Variants in RBFOX1 observed in about 807,000 individuals in gnomAD.
The protein encoded by RBFOX1 is RNA binding fox-1 homolog 1, also known as RNA binding protein fox-1 homolog 1.
RBFOX1 carries 8 observed loss-of-function variants against 57.7 expected under a neutral mutation model. The observed-to-expected ratio is 0.14, with a 90% CI of 0.08 to 0.25. RBFOX1 has a LOEUF of 0.25. Ranked by LOEUF, RBFOX1 falls within the 10% of genes least tolerant of loss-of-function variation. The probability of loss-of-function intolerance (pLI) is 1.00; values close to 1 mark genes in which losing one functional copy is unlikely to be tolerated. For missense variants in RBFOX1, 611 were observed against 548.5 expected (o/e 1.11, Z -1.14); for synonymous variants, 326 against 222.4 (o/e 1.47, Z -4.15).
chr16:7,201,906 G>C (rs1269831338), intron 4 of RBFOX1, among the ~76,000 whole-genome samples: 3 of 152,182 alleles, frequency 2.0e-5, no homozygotes, highest in Non-Finnish European at 2.9e-5. Flanking sequence ...GATGGCAGAG[G>C]AGATGTACGA....
chr16:6,208,099 C>T lies in RBFOX1; in HGVS notation c.-126-108896C>T, dbSNP rs555922969. 2.6e-5 allele frequency among the ~76,000 whole-genome samples: 4 copies of T among 151,762 alleles called. No homozygotes were observed. In the South Asian group the frequency reaches 6.3e-4, roughly 24 times the overall value. On this transcript the variant is annotated intron_variant, in intron 1 of 15. Transcript: ENST00000550418. ...GCGGTCAACAGTTCCTTTAATTTCT[C>T]TGCATAAAAACTAAATGATAGTATA...
intron 4 of RBFOX1, among the ~76,000 whole-genome samples, chr16:7,517,373 A>G (rs2076595296): frequency 6.6e-6 from 1 of 152,148 alleles, no homozygotes; most frequent in Non-Finnish European, 1.5e-5. Context: ...CTCATAAAAA[A>G]ATAAGGCAGG....
intron 13 of RBFOX1, among the ~76,000 whole-genome samples, chr16:7,676,144 G>A (rs1049214982): frequency 1.3e-5 from 2 of 152,156 alleles, no homozygotes; most frequent in African/African-American, 2.4e-5. Context: ...TTCTCCGTCT[G>A]AAGCAGCATG....
intron 4 of RBFOX1, among the ~76,000 whole-genome samples, chr16:5,869,122 T>G (rs2151899731): frequency 6.6e-6 from 1 of 152,224 alleles, no homozygotes; most frequent in East Asian, 1.9e-4. Flanking sequence ...GGGTACAAAG[T>G]GCCATGCCAT....
At chr16:6,646,378 G>C (rs886216052) in intron 2 of RBFOX1, among the ~76,000 whole-genome samples, 1 of 151,984 alleles carries the variant, frequency 6.6e-6, no homozygotes, top group Non-Finnish European at 1.5e-5. Flanking sequence ...ATCCAGCATG[G>C]GTTTAGTAAA....
intron 2 of RBFOX1, among the ~76,000 whole-genome samples, chr16:6,646,837 C>T (rs2098538400): frequency 1.3e-5 from 2 of 152,002 alleles, no homozygotes; most frequent in Non-Finnish European, 2.9e-5. Flanking sequence ...GGTGTTTTTC[C>T]TGACTCAGTG....
At chr16:6,436,087 A>G (rs112924827) in intron 2 of RBFOX1, among the ~76,000 whole-genome samples, 1,713 of 152,296 alleles carry the variant, frequency 0.011, 39 homozygotes, top group African/African-American at 0.039. Flanking sequence ...TGGAAACAGA[A>G]TGAGGAAAGC....
At chr16:7,235,774 G>A (rs145554087) in intron 4 of RBFOX1, among the ~76,000 whole-genome samples, 2 of 152,290 alleles carry the variant, frequency 1.3e-5, no homozygotes, top group East Asian at 1.9e-4. Context: ...AATGTTTAAA[G>A]CTAAGTAATA....
At chr16:6,722,190 A>G (rs567852055) in intron 3 of RBFOX1, among the ~76,000 whole-genome samples, 3 of 152,228 alleles carry the variant, frequency 2.0e-5, no homozygotes, top group Admixed American at 2.0e-4. Flanking sequence ...AGATCATGTG[A>G]TATTTCTAGT....
intron 4 of RBFOX1, among the ~76,000 whole-genome samples, chr16:5,908,383 G>C (rs12930303): frequency 0.49 from 70,290 of 144,738 alleles, 18,505 homozygotes; most frequent in African/African-American, 0.65. Flanking sequence ...GACAGAGTCT[G>C]ACTCTGTTGT....
At chr16:7,363,211 G>C (rs2097364028) in intron 4 of RBFOX1, among the ~76,000 whole-genome samples, 1 of 152,162 alleles carries the variant, frequency 6.6e-6, no homozygotes, top group Non-Finnish European at 1.5e-5. Flanking sequence ...CCTCCATCCT[G>C]AGTTCCTGGG....
chr16:5,255,099 G>A (rs1412133284), intron 1 of RBFOX1, among the ~76,000 whole-genome samples: 8 of 152,146 alleles, frequency 5.3e-5, no homozygotes, highest in Non-Finnish European at 1.2e-4. Context: ...ATTTGCATTA[G>A]TTGTCAATGC....
intron 3 of RBFOX1, among the ~76,000 whole-genome samples, chr16:5,826,176 G>A (rs947654362): frequency 2.0e-5 from 3 of 147,768 alleles, no homozygotes; most frequent in African/African-American, 7.4e-5. Context: ...ATTCTTATAT[G>A]TTATATAATA....
intron 1 of RBFOX1, among the ~76,000 whole-genome samples, chr16:6,123,124 C>T (rs148821858): frequency 1.3e-5 from 2 of 152,080 alleles, no homozygotes; most frequent in South Asian, 4.1e-4. Flanking sequence ...CTAAAATTGC[C>T]TTATGATGCA....
rs760608977 is a variant in RBFOX1, at chr16:7,068,228, C to T, written c.27+16130C>T. Among the ~76,000 whole-genome samples, 4 of 152,224 alleles carry T rather than the reference C, an allele frequency of 2.6e-5. No individual in the cohort carries two copies. The South Asian group carries it at 8.3e-4, about 32-fold the overall frequency. On this transcript the variant is annotated intron_variant, in intron 4 of 15. Coordinates refer to ENST00000550418, the MANE Select transcript of RBFOX1 (RefSeq NM_018723.4). ...TAGCATACATAGATCTAAGATCAGC[C>T]AGCCAAGATTGTCGGTCCAAAATCA...
Position 6,548,901 on chromosome 16 carries a change from C to G in RBFOX1, c.-63-105702C>G, listed in dbSNP as rs148437030. Reference sequence around the variant, plus strand: ...GACCAGCCTGGCCAACATGGCGAAACCCCATCTCTACTAAAAGTACAAAAA... The same window carrying G: ...GACCAGCCTGGCCAACATGGCGAAAGCCCATCTCTACTAAAAGTACAAAAA... On this transcript the variant is annotated intron_variant, in intron 2 of 15. Coordinates refer to ENST00000550418, the MANE Select transcript of RBFOX1 (RefSeq NM_018723.4). Among the ~76,000 whole-genome samples, 628 of 151,722 alleles carry G rather than the reference C, an allele frequency of 4.1e-3. 18 individuals are homozygous for G. In the East Asian group the frequency reaches 0.064, roughly 15 times the overall value.
intron 10 of RBFOX1, among the ~76,000 whole-genome samples, chr16:7,624,157 G>A (rs562645921): frequency 1.5e-4 from 23 of 152,284 alleles, no homozygotes; most frequent in African/African-American, 5.3e-4. Context: ...GGCATCAGAC[G>A]CCTACTATGG....
At chr16:7,265,834 A>T (rs184509845) in intron 4 of RBFOX1, among the ~76,000 whole-genome samples, 1 of 152,132 alleles carries the variant, frequency 6.6e-6, no homozygotes, top group Non-Finnish European at 1.5e-5. Flanking sequence ...CTCAAATCTC[A>T]TGTTGAAATA....
intron 3 of RBFOX1, among the ~76,000 whole-genome samples, chr16:6,821,397 G>T (rs976549051): frequency 2.0e-5 from 3 of 152,160 alleles, no homozygotes; most frequent in Admixed American, 6.5e-5. Context: ...TTTCATTGAG[G>T]TGTATTCCAC....
Sources: allele counts gnomAD v4.1 joint callset (sites outside exome capture counted in the v4.1 genomes callset), GRCh38; gene constraint gnomAD v4.1.1; transcripts MANE v1.5; gene names NCBI Gene and HGNC (gene_info 2026-07-23, HGNC 2026-07-21).